Variants in FYN observed in about 807,000 individuals in gnomAD.
FYN encodes FYN proto-oncogene, Src family tyrosine kinase, also known as tyrosine-protein kinase Fyn.
FYN carries 10 observed loss-of-function variants against 70.2 expected under a neutral mutation model. The observed-to-expected ratio is 0.14, with a 90% CI of 0.09 to 0.24. The LOEUF is 0.24. FYN is among the 10% of genes least tolerant of loss of function. The probability of loss-of-function intolerance (pLI) is 1.00; values close to 1 mark genes in which losing one functional copy is unlikely to be tolerated. For synonymous variants in FYN, 236 were observed against 248.6 expected (o/e 0.95, Z 0.48); for missense variants, 319 against 673.1 (o/e 0.47, Z 5.82).
chr6:111,732,076 G>C (rs901800760), intron 3 of FYN, among the ~76,000 whole-genome samples: 1 of 152,116 alleles, frequency 6.6e-6, no homozygotes, highest in Non-Finnish European at 1.5e-5. Flanking sequence ...CTGTGTGGGA[G>C]GAACATGTGC....
At chr6:111,760,950 T>C (rs571426021) in intron 3 of FYN, among the ~76,000 whole-genome samples, 1 of 152,254 alleles carries the variant, frequency 6.6e-6, no homozygotes, top group East Asian at 1.9e-4. Flanking sequence ...TGTGCCTCCA[T>C]AATCAGAGGG....
chr6:111,741,462 T>A (rs1477961256), intron 3 of FYN, among the ~76,000 whole-genome samples: 3 of 152,250 alleles, frequency 2.0e-5, no homozygotes, highest in Non-Finnish European at 2.9e-5. Context: ...TAAAAGAATA[T>A]CTCAGGATGT....
At chr6:111,691,209 C>T (rs556193634) in intron 12 of FYN, among the ~76,000 whole-genome samples, 2 of 152,018 alleles carry the variant, frequency 1.3e-5, no homozygotes, top group African/African-American at 2.4e-5. Context: ...TGGGATGGTG[C>T]GAAGTAAGGA....
chr6:111,819,984 A>T (rs1321867425), intron 2 of FYN: 2 of 152,246 alleles, frequency 1.3e-5, no homozygotes, highest in Non-Finnish European at 2.9e-5. Context: ...AATAAATTCC[A>T]AATACCCAAG....
chr6:111,790,211 ATTCTT>A (rs770666859), intron 2 of FYN, among the ~76,000 whole-genome samples: 45 of 151,060 alleles, frequency 3.0e-4, no homozygotes, highest in Non-Finnish European at 5.9e-4. Flanking sequence ...TCAAAAAAAA[ATTCTT>A]TTCTTGTTAT....
intron 2 of FYN, among the ~76,000 whole-genome samples, chr6:111,784,999 A>G (rs1771310873): frequency 6.6e-6 from 1 of 152,248 alleles, no homozygotes; most frequent in Non-Finnish European, 1.5e-5. Context: ...GGATGTCTAA[A>G]TGGACATTAT....
rs552171381 is a variant in FYN, at chr6:111,713,078, C to T, written c.344+1269G>A. Among the ~76,000 whole-genome samples the T allele has an allele frequency of 3.9e-5, 6 of 152,188 alleles. No individual in the cohort carries two copies. In the South Asian group the frequency reaches 1.0e-3, roughly 26 times the overall value. On this transcript the variant is annotated intron_variant, in intron 5 of 13. Transcript: ENST00000354650. Reference sequence around the variant, plus strand: ...ACAATCCTAATATATGTTTGAAAACCCTGTGGCTATGTAGACTGTGCCTTC... The same window carrying T: ...ACAATCCTAATATATGTTTGAAAACTCTGTGGCTATGTAGACTGTGCCTTC...
intron 3 of FYN, among the ~76,000 whole-genome samples, chr6:111,760,603 G>C (rs536646108): frequency 2.6e-5 from 4 of 152,278 alleles, no homozygotes; most frequent in African/African-American, 9.6e-5. Flanking sequence ...GGCGTGTGTG[G>C]GCAGGAATGC....
At chr6:111,727,400 C>T (rs1801237988) in intron 3 of FYN, among the ~76,000 whole-genome samples, 1 of 152,104 alleles carries the variant, frequency 6.6e-6, no homozygotes, top group Non-Finnish European at 1.5e-5. Flanking sequence ...GCTTTACAGG[C>T]AAAACTTTCT....
chr6:111,781,511 T>C (rs986447975), intron 2 of FYN, among the ~76,000 whole-genome samples: 1 of 152,176 alleles, frequency 6.6e-6, no homozygotes, highest in African/African-American at 2.4e-5. Context: ...CTTCCACCAC[T>C]TCCTATGACC....
At chr6:111,668,129 G>T (rs1798094222) in intron 13 of FYN, among the ~76,000 whole-genome samples, 1 of 152,240 alleles carries the variant, frequency 6.6e-6, no homozygotes, top group Non-Finnish European at 1.5e-5. Context: ...GGGTGTTAAT[G>T]GTGCTTGCTC....
intron 12 of FYN, among the ~76,000 whole-genome samples, chr6:111,683,019 C>A (rs1021014359): frequency 3.9e-5 from 6 of 152,202 alleles, no homozygotes; most frequent in South Asian, 2.1e-4. Context: ...AAAAAACCCT[C>A]CTAATCAAAA....
rs754772337 is a variant in FYN, at chr6:111,694,562, C to A, written c.1120-34G>T. The A allele has an allele frequency of 5.2e-5, 84 of 1,613,670 alleles. No homozygotes were observed. The highest frequency in any genetic ancestry group is 5.3e-5 in the Non-Finnish European group (62 of 1,179,752). On this transcript the variant is annotated intron_variant, in intron 11 of 13. Coordinates refer to ENST00000354650, the MANE Select transcript of FYN (RefSeq NM_002037.5). This position sits in a 1 kb window ranked among gnomAD's most constrained non-coding sequence, Gnocchi z 5.0. ...ACCCAGGGAACAGGACATGTTACAC[C>A]ACGACCCAATGTACTTAGACACGTC... is the stretch of plus-strand genomic sequence containing the variant.
At chr6:111,860,143 T>A (rs915115814) in intron 1 of FYN, among the ~76,000 whole-genome samples, 2 of 152,134 alleles carry the variant, frequency 1.3e-5, no homozygotes, top group African/African-American at 2.4e-5. Context: ...CCTCCAGGAC[T>A]ATGACAGAAA....
intron 4 of FYN, among the ~76,000 whole-genome samples, chr6:111,716,819 T>C (rs1800669122): frequency 6.6e-6 from 1 of 151,232 alleles, no homozygotes; most frequent in South Asian, 2.1e-4. Context: ...AGTTTCACTC[T>C]TGTCGCCCAG....
chr6:111,844,249 C>A (rs1773451646), intron 2 of FYN, among the ~76,000 whole-genome samples: 3 of 152,192 alleles, frequency 2.0e-5, no homozygotes, highest in Admixed American at 2.0e-4. Context: ...CAAAATAAAG[C>A]TAATTTTCCA....
At chr6:111,751,810 G>A (rs1328058890) in intron 3 of FYN, among the ~76,000 whole-genome samples, 3 of 151,938 alleles carry the variant, frequency 2.0e-5, no homozygotes, top group Admixed American at 6.5e-5. Context: ...GTAGAAACAA[G>A]GTCTCACTAT....
At chr6:111,872,740 C>A (rs1774320338) in intron 1 of FYN, among the ~76,000 whole-genome samples, 1 of 151,890 alleles carries the variant, frequency 6.6e-6, no homozygotes, top group Admixed American at 6.5e-5. Flanking sequence ...AAATGGGGTC[C>A]CCATCCCCGC....
chr6:111,816,672 A>G (rs1029621815), intron 2 of FYN, among the ~76,000 whole-genome samples: 1 of 152,232 alleles, frequency 6.6e-6, no homozygotes, highest in African/African-American at 2.4e-5. Flanking sequence ...AATAAAAACT[A>G]TTATCATGAG....
Sources: allele counts gnomAD v4.1 joint callset (sites outside exome capture counted in the v4.1 genomes callset), GRCh38; gene constraint gnomAD v4.1.1; non-coding constraint Gnocchi (gnomAD v3.1); transcripts MANE v1.5; gene names NCBI Gene and HGNC (gene_info 2026-07-23, HGNC 2026-07-21).